Variants in NRF1 observed in about 807,000 individuals in gnomAD.
NRF1 encodes alpha palindromic-binding protein.
Under a neutral mutation model 58.5 loss-of-function variants are expected in NRF1, and 5 were observed. That is an observed-to-expected ratio of 0.09 (90% confidence interval 0.04 to 0.18). NRF1 has a LOEUF of 0.18. Ranked by LOEUF, NRF1 falls within the 10% of genes least tolerant of loss-of-function variation. The probability of loss-of-function intolerance (pLI) is 1.00; values close to 1 mark genes in which losing one functional copy is unlikely to be tolerated. For synonymous variants in NRF1, 224 were observed against 246.7 expected (o/e 0.91, Z 0.86); for missense variants, 288 against 657.7 (o/e 0.44, Z 6.15).
intron 1 of NRF1, among the ~76,000 whole-genome samples, chr7:129,637,705 A>AT (rs908287040): frequency 2.0e-5 from 3 of 152,076 alleles, no homozygotes; most frequent in Non-Finnish European, 2.9e-5. Flanking sequence ...CATTTTATGG[A>AT]TTTTTTTGTG....
chr7:129,642,635 T>C (rs1801315852), intron 1 of NRF1, among the ~76,000 whole-genome samples: 1 of 152,112 alleles, frequency 6.6e-6, no homozygotes, highest in Admixed American at 6.6e-5. Flanking sequence ...CATAAAATAG[T>C]TAACTTGGTA....
At chr7:129,703,301 AC>A (rs1433310072) in intron 5 of NRF1, among the ~76,000 whole-genome samples, 1 of 152,114 alleles carries the variant, frequency 6.6e-6, no homozygotes, top group African/African-American at 2.4e-5. Flanking sequence ...CAATTAAAGG[AC>A]GGTCTGAGAG....
Position 129,613,283 on chromosome 7 carries a change from G to A in NRF1, c.-7+1459G>A, listed in dbSNP as rs542747559. On this transcript the variant is annotated intron_variant, in intron 1 of 10. Transcript: ENST00000393232. Reference sequence around the variant, plus strand: ...GGGAAAGGGGGGTGCTGGAGTCTTGGAGATGCTGTTTGTGTGTGTGTGTGT... The same window carrying A: ...GGGAAAGGGGGGTGCTGGAGTCTTGAAGATGCTGTTTGTGTGTGTGTGTGT... 3.9e-5 allele frequency among the ~76,000 whole-genome samples: 6 copies of A among 152,286 alleles called. No individual in the cohort carries two copies. The South Asian group carries it at 8.3e-4, about 21-fold the overall frequency.
intron 10 of NRF1, among the ~76,000 whole-genome samples, chr7:129,734,135 G>A (rs2116273113): frequency 6.6e-6 from 1 of 152,264 alleles, no homozygotes; most frequent in East Asian, 1.9e-4. Flanking sequence ...TCTCAATCCT[G>A]TTGTATCATT....
chr7:129,649,505 A>G (rs900503058), intron 1 of NRF1, among the ~76,000 whole-genome samples: 1 of 152,134 alleles, frequency 6.6e-6, no homozygotes, highest in Non-Finnish European at 1.5e-5. Context: ...TCTACACTTA[A>G]TCTCATCCAT....
At chr7:129,632,086 G>A (rs953514065) in intron 1 of NRF1, among the ~76,000 whole-genome samples, 1 of 152,212 alleles carries the variant, frequency 6.6e-6, no homozygotes, top group Non-Finnish European at 1.5e-5. Flanking sequence ...ACCAGACTGG[G>A]CAACATAATA....
At chr7:129,752,187 CTG>C (rs1392573506) in intron 10 of NRF1, among the ~76,000 whole-genome samples, 12 of 152,214 alleles carry the variant, frequency 7.9e-5, no homozygotes, top group African/African-American at 2.9e-4. Context: ...CCTGGGCCTC[CTG>C]TGAATCCAGA....
intron 1 of NRF1, among the ~76,000 whole-genome samples, chr7:129,638,816 C>T (rs1307963276): frequency 6.6e-6 from 1 of 152,030 alleles, no homozygotes; most frequent in Non-Finnish European, 1.5e-5. Context: ...GACTTAAATT[C>T]TAAAATGGAG....
intron 1 of NRF1, among the ~76,000 whole-genome samples, chr7:129,613,591 T>C (rs1305943248): frequency 1.3e-5 from 2 of 151,754 alleles, no homozygotes; most frequent in Non-Finnish European, 2.9e-5. Context: ...AAAAAAACAA[T>C]AATCAGATTA....
intron 8 of NRF1, among the ~76,000 whole-genome samples, chr7:129,713,210 C>T (rs1048387796): frequency 1.9e-4 from 29 of 151,632 alleles, no homozygotes; most frequent in Admixed American, 1.8e-3. Flanking sequence ...GATTCTTCTG[C>T]CTCAGCCTCC....
chr7:129,648,274 C>CTT (rs35513653), intron 1 of NRF1, among the ~76,000 whole-genome samples: 1,010 of 96,954 alleles, frequency 0.01, 1 homozygote, highest in Non-Finnish European at 0.014. Flanking sequence ...GCATTATTGA[C>CTT]TTTTTTTTTT....
rs1801201510 is a variant in NRF1 at position 129,637,827 on chromosome 7, A to G, written c.-6-19519A>G. Among the ~76,000 whole-genome samples the G allele has an allele frequency of 2.0e-5, 3 of 151,566 alleles. No homozygotes were observed. The East Asian group carries it at 5.8e-4, about 29-fold the overall frequency. On this transcript the variant is annotated intron_variant, in intron 1 of 10. Transcript: ENST00000393232. ...TGAATGTAGCCCAACACAAATTCAT[A>G]AACTTTCTTAAAACATTATGAGATT...
At chr7:129,640,499 G>T (rs1468891676) in intron 1 of NRF1, among the ~76,000 whole-genome samples, 1 of 152,086 alleles carries the variant, frequency 6.6e-6, no homozygotes, top group Non-Finnish European at 1.5e-5. Flanking sequence ...GATTGAGTGA[G>T]ACCCTGTCTC....
At chr7:129,659,495 T>A (rs1039237623) in intron 2 of NRF1, among the ~76,000 whole-genome samples, 1 of 152,350 alleles carries the variant, frequency 6.6e-6, no homozygotes, top group South Asian at 2.1e-4. Flanking sequence ...TTAACATGGA[T>A]CTGCTAGTAA....
intron 1 of NRF1, among the ~76,000 whole-genome samples, chr7:129,618,954 A>C (rs1487663191): frequency 6.6e-6 from 1 of 152,138 alleles, no homozygotes; most frequent in African/African-American, 2.4e-5. Flanking sequence ...GCAACATGTC[A>C]CCTGAGGTCA....
intron 1 of NRF1, among the ~76,000 whole-genome samples, chr7:129,655,965 G>C (rs1279989152): frequency 6.6e-6 from 1 of 152,104 alleles, no homozygotes; most frequent in East Asian, 1.9e-4. Flanking sequence ...TGAATAATAA[G>C]TGGTATGTGT....
At chr7:129,695,377 G>A (rs1162510960) in intron 5 of NRF1, among the ~76,000 whole-genome samples, 2 of 152,018 alleles carry the variant, frequency 1.3e-5, no homozygotes, top group Non-Finnish European at 2.9e-5. Flanking sequence ...AGGAGTTCGA[G>A]AGCAGCCTGG....
At chr7:129,650,763 C>T (rs911294532) in intron 1 of NRF1, among the ~76,000 whole-genome samples, 24 of 151,618 alleles carry the variant, frequency 1.6e-4, no homozygotes, top group Non-Finnish European at 2.9e-4. Flanking sequence ...AGAATTGTAG[C>T]TTAGAGGTTG....
intron 1 of NRF1, among the ~76,000 whole-genome samples, chr7:129,634,038 A>AT (rs1562954861): frequency 0.013 from 1,143 of 86,898 alleles, 21 homozygotes; most frequent in African/African-American, 0.059. Flanking sequence ...TTAAAAAAAA[A>AT]AAAAGATATA....
Sources: gnomAD v4.1 joint callset for allele counts (sites outside exome capture counted in the v4.1 genomes callset) on GRCh38, gnomAD v4.1.1 for gene constraint, MANE v1.5 for transcripts, NCBI Gene and HGNC (gene_info 2026-07-23, HGNC 2026-07-21) for gene names.